ZNF420: variants seen among roughly 807,000 people sequenced by gnomAD.
ZNF420 encodes the protein ATM and p53-associated KZNF protein.
A neutral mutation model predicts 44.7 loss-of-function variants in ZNF420; 31 were observed. That is an observed-to-expected ratio of 0.69 (90% CI 0.52 to 0.94). ZNF420 has a LOEUF of 0.94. ZNF420 is among the 40% of genes least tolerant of loss of function. The pLI is 0.00. For missense variants in ZNF420, 681 were observed against 827.9 expected, an observed-to-expected ratio of 0.82 and a Z score of 2.18; for synonymous variants, 245 against 267.4, an observed-to-expected ratio of 0.92 and a Z score of 0.82.
At chr19:37,064,932 G>A (rs1967941428) in intron 1 of ZNF420, among the ~76,000 whole-genome samples, 1 of 152,160 alleles carries the variant, frequency 6.6e-6, no homozygotes, top group Non-Finnish European at 1.5e-5. Flanking sequence ...CCGGACCCAG[G>A]GGGCCATCAC....
At chr19:37,116,783 A>C (rs1309445912) in intron 4 of ZNF420, among the ~76,000 whole-genome samples, 1 of 152,236 alleles carries the variant, frequency 6.6e-6, no homozygotes, top group Non-Finnish European at 1.5e-5. Context: ...ACGGGCTTAA[A>C]AAACAGCACA....
intron 1 of ZNF420, among the ~76,000 whole-genome samples, chr19:37,056,972 A>G (rs1042275679): frequency 6.6e-6 from 1 of 152,254 alleles, no homozygotes; most frequent in Non-Finnish European, 1.5e-5. Flanking sequence ...GACTTCCAGC[A>G]GCGGAGCGCG....
At chr19:37,097,687 T>C (rs1038904672) in intron 4 of ZNF420, among the ~76,000 whole-genome samples, 2 of 152,218 alleles carry the variant, frequency 1.3e-5, no homozygotes, top group African/African-American at 4.8e-5. Context: ...TTTTATTCTT[T>C]AAGTTCTTTA....
intron 1 of ZNF420, among the ~76,000 whole-genome samples, chr19:37,033,368 C>G (rs1022919448): frequency 2.0e-5 from 3 of 152,164 alleles, no homozygotes; most frequent in Non-Finnish European, 4.4e-5. Flanking sequence ...CCCTTCATTA[C>G]TCTCTCCTCC....
At chr19:37,087,350 G>T (rs1968876575) in intron 2 of ZNF420, among the ~76,000 whole-genome samples, 2 of 150,774 alleles carry the variant, frequency 1.3e-5, no homozygotes, top group African/African-American at 4.9e-5. Context: ...TTAAGAGCTT[G>T]GCACTTTTTT....
At chr19:37,057,114 C>T (rs10414227) in intron 1 of ZNF420, among the ~76,000 whole-genome samples, 24,545 of 152,192 alleles carry the variant, frequency 0.16, 2,110 homozygotes, top group African/African-American at 0.23. Context: ...GCTTGGGTGT[C>T]GGGGCTTTGA....
At chr19:37,098,177 C>T (rs528111439) in intron 4 of ZNF420, among the ~76,000 whole-genome samples, 19 of 152,198 alleles carry the variant, frequency 1.2e-4, no homozygotes, top group African/African-American at 4.3e-4. Flanking sequence ...GTCTCGAACT[C>T]CTGGGCTCAG....
chr19:37,109,600 TTC>T (rs1970275309), intron 4 of ZNF420: 3 of 152,242 alleles, frequency 2.0e-5, no homozygotes, highest in Non-Finnish European at 4.4e-5. Context: ...ATTGCAGTGT[TTC>T]TGTCTCCGTG....
intron 1 of ZNF420, among the ~76,000 whole-genome samples, chr19:37,053,231 C>T (rs1967672724): frequency 6.6e-6 from 1 of 152,170 alleles, no homozygotes; most frequent in Non-Finnish European, 1.5e-5. Context: ...TTAAGGACTT[C>T]TCTGCATTGG....
intron 4 of ZNF420, among the ~76,000 whole-genome samples, chr19:37,102,432 T>G (rs1228682098): frequency 1.3e-5 from 2 of 152,214 alleles, no homozygotes; most frequent in Non-Finnish European, 2.9e-5. Flanking sequence ...AGGACTGTTG[T>G]CAGCAGGCAT....
intron 4 of ZNF420, chr19:37,111,603 A>C (rs1970389228): frequency 1.3e-5 from 2 of 152,226 alleles, no homozygotes; most frequent in South Asian, 4.1e-4. Context: ...TCTGCAGCAC[A>C]TCAAATATCA....
chr19:37,092,244 C>T (rs545615673), intron 4 of ZNF420: 1 of 152,192 alleles, frequency 6.6e-6, no homozygotes, highest in South Asian at 2.1e-4. Flanking sequence ...GGAAAAAAAC[C>T]TATGACTTGA....
intron 1 of ZNF420, among the ~76,000 whole-genome samples, chr19:37,059,497 C>T (rs1967829050): frequency 6.6e-6 from 1 of 152,222 alleles, no homozygotes; most frequent in Non-Finnish European, 1.5e-5. Flanking sequence ...CTGACCTCTC[C>T]ACGGGGTCGA....
At chr19:37,033,073 CAT>C (rs2146399589) in intron 1 of ZNF420, among the ~76,000 whole-genome samples, 1 of 152,230 alleles carries the variant, frequency 6.6e-6, no homozygotes, top group African/African-American at 2.4e-5. Flanking sequence ...ACTTTTGGCA[CAT>C]AGTTATTGGG....
intron 4 of ZNF420, among the ~76,000 whole-genome samples, chr19:37,121,048 C>T (rs867089835): frequency 1.3e-4 from 19 of 150,496 alleles, no homozygotes; most frequent in African/African-American, 4.2e-4. Flanking sequence ...GGCCATACTG[C>T]CCAAGGTAAT....
intron 1 of ZNF420, among the ~76,000 whole-genome samples, chr19:37,033,655 T>C (rs1967302777): frequency 6.6e-6 from 1 of 152,254 alleles, no homozygotes. Flanking sequence ...GCTATACACA[T>C]GAATTTGCAA....
chr19:37,032,023 C>T (rs1347988658), intron 1 of ZNF420, among the ~76,000 whole-genome samples: 7 of 151,936 alleles, frequency 4.6e-5, no homozygotes, highest in Non-Finnish European at 8.8e-5. Context: ...CCAGCCGGGC[C>T]AACATGGTGA....
Position 37,127,097 on chromosome 19 carries a change from C to T in ZNF420, c.137-31C>T, listed in dbSNP as rs762478624. On this transcript the variant is annotated intron_variant, in intron 4 of 4. Coordinates refer to ENST00000337995, the MANE Select transcript of ZNF420 (RefSeq NM_144689.5). The stretch of plus-strand genomic sequence containing the variant: ...TGTCTTTTCTATAGAAGTTATATTT[C>T]TCAATTTTTTTATTCTCTCTTATCT... 6 of 1,440,182 alleles carry T rather than the reference C, an allele frequency of 4.2e-6. No homozygotes were observed. The African/African-American group carries it at 5.7e-5, about 14-fold the overall frequency. The allele number at this position is 1,440,182 out of a possible 1,614,324, so 89.2% of individuals were successfully genotyped here. A position where few individuals can be genotyped will look rare whatever the true frequency, so the allele number is the denominator to read the frequency against.
Position 37,129,196 on chromosome 19 carries a change from TGTCA to T in ZNF420, c.*139_*142del. 9.2e-7 allele frequency: 1 copy of T among 1,083,198 alleles called. No homozygotes were observed. Among genetic ancestry groups the T allele is most frequent in the East Asian group, 2.4e-5 (1 of 41,852 alleles). 67.1% of individuals were successfully genotyped at this position (1,083,198 alleles called of 1,614,324 possible). A position where few individuals can be genotyped will look rare whatever the true frequency, so the allele number is the denominator to read the frequency against. On this transcript the variant is annotated 3_prime_UTR_variant, in exon 5 of 5. Transcript: ENST00000337995. Reference sequence around the variant, plus strand: ...TAATTTATGTGAGAGAAAATGGTAGTGTCATTCATATAGAAAAACATCATTACTG... The same window carrying T: ...TAATTTATGTGAGAGAAAATGGTAGTTTCATATAGAAAAACATCATTACTG...
Sources: allele counts gnomAD v4.1 joint callset (sites outside exome capture counted in the v4.1 genomes callset), GRCh38; gene constraint gnomAD v4.1.1; transcripts MANE v1.5; gene names NCBI Gene and HGNC (gene_info 2026-07-23, HGNC 2026-07-21).